PDZD2: variants seen among roughly 807,000 people sequenced by gnomAD.
PDZD2 encodes the protein PDZ domain containing 2.
Under a neutral mutation model 220.7 loss-of-function variants are expected in PDZD2, and 90 were observed. The ratio of observed to expected loss-of-function variants is 0.41; its 90% CI spans 0.34 to 0.49. PDZD2 has a LOEUF of 0.49. PDZD2 is among the 20% of genes least tolerant of loss of function. The pLI, the probability that PDZD2 is intolerant of heterozygous loss-of-function variation, is 0.28. For synonymous variants in PDZD2, 1,375 were observed against 1,450.5 expected (o/e 0.95, Z 1.18); for missense variants, 3,174 against 3,608.5 (o/e 0.88, Z 3.08).
At chr5:31,996,602 G>A (rs1751657753) in intron 4 of PDZD2, among the ~76,000 whole-genome samples, 1 of 152,072 alleles carries the variant, frequency 6.6e-6, no homozygotes, top group African/African-American at 2.4e-5. Context: ...CAGGTACTTG[G>A]GAGGCTGAGG....
intron 17 of PDZD2, among the ~76,000 whole-genome samples, chr5:32,073,039 A>G (rs1277035750): frequency 1.3e-5 from 2 of 152,004 alleles, no homozygotes; most frequent in Non-Finnish European, 2.9e-5. Context: ...AATCTCATTG[A>G]TATATCAATT....
At chr5:31,821,010 G>C (rs1755806210) in intron 2 of PDZD2, among the ~76,000 whole-genome samples, 1 of 151,708 alleles carries the variant, frequency 6.6e-6, no homozygotes, top group African/African-American at 2.4e-5. Flanking sequence ...TGCAGCACTG[G>C]ATATGCATTT....
intron 1 of PDZD2, among the ~76,000 whole-genome samples, chr5:31,696,909 C>T (rs1285905489): frequency 6.6e-6 from 1 of 152,282 alleles, no homozygotes. Flanking sequence ...AGTGGTTCTG[C>T]TTGTTCATCT....
In PDZD2 at chr5:31,886,168, A is replaced by G. The variant is rs993582130; in HGVS notation, c.476+86444A>G. Among the ~76,000 whole-genome samples the G allele has an allele frequency of 5.3e-5, 8 of 152,114 alleles. No individual in the cohort carries two copies. The East Asian group carries it at 1.5e-3, about 29-fold the overall frequency. On this transcript the variant is annotated intron_variant, in intron 2 of 24. Transcript: ENST00000438447. ...CCTGTCTTGGCCTCCCAAAGTGCTG[A>G]GGTTACAGGCGTGAGCCACTGTGCC...
intron 3 of PDZD2, among the ~76,000 whole-genome samples, chr5:31,991,948 A>C (rs1751250001): frequency 2.6e-5 from 4 of 152,138 alleles, no homozygotes; most frequent in Admixed American, 2.6e-4. Context: ...CAGGAGAATC[A>C]CTTGAACCCA....
Position 32,074,498 on chromosome 5 carries a change from C to G in PDZD2, c.3392C>G (p.Ser1131Cys), listed in dbSNP as rs753566078. The change falls in exon 18 of 25, where the codon TCC (serine) becomes TGC (cysteine). Residue 1131 changes from serine (S) to cysteine (C), a missense_variant. Around this residue, in one of 4 missense-constraint regions of PDZD2, gnomAD observed 1,861 missense variants for 2,001.0 expected, o/e 0.93. Transcript: ENST00000438447. ...AGGGTAAGCCCCCACTGCAAGAGAT[C>G]CGAGGCTGAGGCCAAGCCCAGTGGC... ...VARVSPHCKRSEAEAKPSGSQ... is the reference protein window; with the variant it reads ...VARVSPHCKRCEAEAKPSGSQ... The G allele has an allele frequency of 6.2e-7, 1 of 1,614,116 alleles. No homozygotes were observed. The highest frequency in any genetic ancestry group is 2.2e-5 in the East Asian group (1 of 44,870).
Position 32,052,596 on chromosome 5 carries a change from T to C in PDZD2, c.1666-15T>C, listed in dbSNP as rs767374602. The C allele has an allele frequency of 1.2e-6, 2 of 1,613,020 alleles. No homozygotes were observed. The highest frequency in any genetic ancestry group is 1.1e-5 in the South Asian group (1 of 91,062). On this transcript the variant is annotated splice_polypyrimidine_tract_variant and intron_variant, in intron 8 of 24. Coordinates refer to ENST00000438447, the MANE Select transcript of PDZD2 (RefSeq NM_178140.4). ...ATGAGAGTAATCTCTGACCTTGCCG[T>C]GTGCTGACTTTTAGGAATACCACAT...
intron 2 of PDZD2, among the ~76,000 whole-genome samples, chr5:31,879,483 G>T (rs1739665186): frequency 6.6e-6 from 1 of 151,822 alleles, no homozygotes; most frequent in Non-Finnish European, 1.5e-5. Context: ...TAAAGGCTAA[G>T]ATTGAGAGTA....
intron 1 of PDZD2, among the ~76,000 whole-genome samples, chr5:31,681,745 T>A (rs1157627212): frequency 2.6e-5 from 4 of 152,176 alleles, no homozygotes; most frequent in African/African-American, 9.7e-5. Flanking sequence ...TAAGACAAGT[T>A]AAATGAGAGT....
intron 6 of PDZD2, among the ~76,000 whole-genome samples, chr5:32,036,810 A>G (rs561054090): frequency 6.6e-6 from 1 of 152,256 alleles, no homozygotes; most frequent in Non-Finnish European, 1.5e-5. Context: ...TGCAACTTGC[A>G]TTGTGGGAAA....
chr5:32,028,013 C>T (rs1754809268), intron 6 of PDZD2, among the ~76,000 whole-genome samples: 1 of 152,126 alleles, frequency 6.6e-6, no homozygotes, highest in Non-Finnish European at 1.5e-5. Flanking sequence ...GGATTTGGAG[C>T]TTAGATGTCT....
At chr5:31,681,722 A>G (rs1266507240) in intron 1 of PDZD2, among the ~76,000 whole-genome samples, 1 of 152,206 alleles carries the variant, frequency 6.6e-6, no homozygotes, top group Admixed American at 6.5e-5. Flanking sequence ...TTCTTATAAT[A>G]AAAAGTTTAC....
At chr5:31,661,801 T>TTTC (rs1554060460) in intron 1 of PDZD2, among the ~76,000 whole-genome samples, 3 of 148,086 alleles carry the variant, frequency 2.0e-5, no homozygotes, top group Non-Finnish European at 4.5e-5. Flanking sequence ...TTTTTTTTTC[T>TTTC]TTTTTTTTCA....
chr5:32,090,760 T>C lies in PDZD2; in HGVS notation c.7312T>C (p.Ser2438Pro). 1 of 1,614,126 alleles carries C rather than the reference T, an allele frequency of 6.2e-7. No homozygotes were observed. Among genetic ancestry groups the C allele is most frequent in the Non-Finnish European group, 8.5e-7 (1 of 1,180,030 alleles). Reference protein sequence around the residue: ...QNPPETSSKGSDSELKKSLGP... With the variant: ...QNPPETSSKGPDSELKKSLGP... ...CCCACCAGAGACCAGTAGCAAGGGCTCTGATTCGGAACTAAAGAAATCACT... is the reference window on the plus strand; with the variant it reads ...CCCACCAGAGACCAGTAGCAAGGGCCCTGATTCGGAACTAAAGAAATCACT... The change falls in exon 20 of 25, where the codon TCT becomes CCT. Residue 2438 changes from serine (S) to proline (P), a missense_variant. Transcript: ENST00000438447. This position sits in a 1 kb window ranked among gnomAD's most constrained non-coding sequence, Gnocchi z 4.3.
chr5:31,771,835 TG>T (rs1752355216), intron 1 of PDZD2, among the ~76,000 whole-genome samples: 1 of 152,224 alleles, frequency 6.6e-6, no homozygotes, highest in Admixed American at 6.5e-5. Context: ...ACTCACTGCC[TG>T]GGTGACTTTT....
At chr5:31,936,170 G>A (rs1363038927) in intron 2 of PDZD2, 17 of 987,572 alleles carry the variant, frequency 1.7e-5, no homozygotes, top group Non-Finnish European at 2.0e-5. Flanking sequence ...TGGGGAGCTG[G>A]CAGGAAGTTG....
At chr5:31,728,927 T>A (rs952355343) in intron 1 of PDZD2, among the ~76,000 whole-genome samples, 1 of 152,116 alleles carries the variant, frequency 6.6e-6, no homozygotes, top group Non-Finnish European at 1.5e-5. Context: ...CAATCACAAC[T>A]CACTGCAACC....
Position 32,074,576 on chromosome 5 carries a change from C to G in PDZD2, c.3470C>G (p.Ser1157Trp). 6.2e-7 allele frequency: 1 copy of G among 1,613,822 alleles called. No homozygotes were observed. The highest frequency in any genetic ancestry group is 8.5e-7 in the Non-Finnish European group (1 of 1,179,976). The change falls in exon 18 of 25, where the codon TCG (serine) becomes TGG (tryptophan). Residue 1157 changes from serine (S) to tryptophan (W), a missense_variant. Around this residue, in one of 4 missense-constraint regions of PDZD2, gnomAD observed 1,861 missense variants for 2,001.0 expected, o/e 0.93. Coordinates refer to ENST00000438447, the MANE Select transcript of PDZD2 (RefSeq NM_178140.4). The part of the protein sequence containing the change: ...GRANDPCDLD[S>W]RVQATSVKVT... ...GCCAATGATCCATGCGATCTGGACTCGAGAGTCCAGGCCACTTCTGTCAAA... is the reference window on the plus strand; with the variant it reads ...GCCAATGATCCATGCGATCTGGACTGGAGAGTCCAGGCCACTTCTGTCAAA...
At chr5:31,728,413 G>C (rs1749307736) in intron 1 of PDZD2, among the ~76,000 whole-genome samples, 1 of 152,120 alleles carries the variant, frequency 6.6e-6, no homozygotes, top group African/African-American at 2.4e-5. Flanking sequence ...TTTGGAAGAG[G>C]AGAAAAGGAG....
Sources: gnomAD v4.1 joint callset for allele counts (sites outside exome capture counted in the v4.1 genomes callset) on GRCh38, gnomAD v4.1.1 for gene constraint, gnomAD v4.1.1 regional missense constraint, Gnocchi (gnomAD v3.1) non-coding constraint, MANE v1.5 for transcripts, NCBI Gene and HGNC (gene_info 2026-07-23, HGNC 2026-07-21) for gene names.